Variants in ARHGAP28 observed in about 807,000 individuals in gnomAD.
The protein encoded by ARHGAP28 is rho GTPase-activating protein 28.
Under a neutral mutation model 90.7 loss-of-function variants are expected in ARHGAP28, and 56 were observed. The observed-to-expected ratio is 0.62, with a 90% confidence interval of 0.50 to 0.77. The LOEUF (loss-of-function observed/expected upper bound fraction) is 0.77. Ranked by LOEUF, ARHGAP28 falls within the 30% of genes least tolerant of loss-of-function variation. ARHGAP28 has a pLI of 0.00. For missense variants in ARHGAP28, 869 were observed against 900.9 expected, an observed-to-expected ratio of 0.96 and a Z score of 0.45; for synonymous variants, 308 against 323.3, an observed-to-expected ratio of 0.95 and a Z score of 0.51.
At chr18:6,831,195 T>G (rs982795965) in intron 2 of ARHGAP28, among the ~76,000 whole-genome samples, 1 of 152,192 alleles carries the variant, frequency 6.6e-6, no homozygotes, top group Admixed American at 6.5e-5. Flanking sequence ...ATGTTGAACT[T>G]TTTTCTTGTG....
At chr18:6,790,469 T>C (rs1300021224) in intron 1 of ARHGAP28, 1 of 152,138 alleles carries the variant, frequency 6.6e-6, no homozygotes, top group African/African-American at 2.4e-5. Flanking sequence ...AATGGTATCA[T>C]CACCAACCAA....
In ARHGAP28 at chr18:6,914,650, CAAA is replaced by C. The variant is rs2057414401; in HGVS notation, c.*2498_*2500del. Reference sequence around the variant, plus strand: ...TAAAAAAGACTCATATCTTTGCAAACAAAAGAAGGGCAGATACTGGGCTTCTAC... The same window carrying C: ...TAAAAAAGACTCATATCTTTGCAAACAGAAGGGCAGATACTGGGCTTCTAC... On this transcript the variant is annotated 3_prime_UTR_variant, in exon 18 of 18. Transcript: ENST00000383472. The C allele has an allele frequency of 6.6e-6, 1 of 152,032 alleles. No individual in the cohort carries two copies. The highest frequency in any genetic ancestry group is 6.6e-5 in the Admixed American group (1 of 15,260). The allele number at this position is 152,032 out of a possible 1,614,324, so 9.4% of individuals were successfully genotyped here. A position where few individuals can be genotyped will look rare whatever the true frequency, so the allele number is the denominator to read the frequency against.
chr18:6,886,942 C>T (rs2057226342), intron 11 of ARHGAP28, among the ~76,000 whole-genome samples: 1 of 152,130 alleles, frequency 6.6e-6, no homozygotes, highest in African/African-American at 2.4e-5. Flanking sequence ...CGTTGGCCAC[C>T]TGCCTCAACA....
At chr18:6,731,828 A>G (rs1300808728) in intron 1 of ARHGAP28, among the ~76,000 whole-genome samples, 4 of 152,206 alleles carry the variant, frequency 2.6e-5, no homozygotes, top group Admixed American at 2.6e-4. Flanking sequence ...TTGACTCACT[A>G]ACTAATGATC....
chr18:6,841,927 T>C (rs1050577912), intron 3 of ARHGAP28, among the ~76,000 whole-genome samples: 10 of 152,252 alleles, frequency 6.6e-5, no homozygotes, highest in African/African-American at 2.2e-4. Flanking sequence ...TTTTCTCAAT[T>C]ATCTCCTTCT....
At chr18:6,902,480 A>C (rs1194841632) in intron 16 of ARHGAP28, among the ~76,000 whole-genome samples, 1 of 152,204 alleles carries the variant, frequency 6.6e-6, no homozygotes, top group African/African-American at 2.4e-5. Context: ...ATAATTTCAG[A>C]GTAAAATAGG....
Position 6,729,808 on chromosome 18 carries a change from A to C in ARHGAP28, c.-14A>C, listed in dbSNP as rs756295199. 2 of 1,399,360 alleles carry C rather than the reference A, an allele frequency of 1.4e-6. No homozygotes were observed. Among genetic ancestry groups the C allele is most frequent in the Non-Finnish European group, 1.9e-6 (2 of 1,079,926 alleles). The allele number at this position is 1,399,360 out of a possible 1,614,324, so 86.7% of individuals were successfully genotyped here. A position where few individuals can be genotyped will look rare whatever the true frequency, so the allele number is the denominator to read the frequency against. ...TTTGTTCTGGGGCCGGCGCCGAGAC[A>C]TGCGCGGCTGACGATGGAGGTGGAG... On this transcript the variant is annotated 5_prime_UTR_variant, in exon 1 of 18. The change abolishes an upstream ATG in the 5' untranslated region. Transcript: ENST00000383472.
intron 1 of ARHGAP28, among the ~76,000 whole-genome samples, chr18:6,749,775 A>C (rs2056054340): frequency 6.6e-6 from 1 of 152,174 alleles, no homozygotes; most frequent in Non-Finnish European, 1.5e-5. Context: ...TAATATAATC[A>C]GTCTGCCCTT....
rs77414344 is a variant in ARHGAP28 at position 6,841,480 on chromosome 18, A to G, written c.543+4066A>G. 7.4e-3 allele frequency among the ~76,000 whole-genome samples: 1,118 copies of G among 151,672 alleles called. 17 individuals are homozygous for G. The highest frequency in any genetic ancestry group is 0.025 in the African/African-American group (1,055 of 41,406). The stretch of plus-strand genomic sequence containing the variant: ...TAAGATAGATAAGTATAAGATACTT[A>G]TATCTTTATATTGTATAAAATACTT... On this transcript the variant is annotated intron_variant, in intron 3 of 17. Transcript: ENST00000383472.
At chr18:6,823,120 A>G (rs1220780496) in intron 1 of ARHGAP28, among the ~76,000 whole-genome samples, 1 of 152,116 alleles carries the variant, frequency 6.6e-6, no homozygotes, top group Admixed American at 6.6e-5. Context: ...TTTTTGTCCA[A>G]TTCCACCTGA....
chr18:6,818,411 G>T (rs564479294), intron 1 of ARHGAP28, among the ~76,000 whole-genome samples: 2 of 152,178 alleles, frequency 1.3e-5, no homozygotes, highest in African/African-American at 2.4e-5. Context: ...CTCCACTGAC[G>T]CTAGTCATTC....
At chr18:6,737,591 T>C (rs73380727) in intron 1 of ARHGAP28, among the ~76,000 whole-genome samples, 7,130 of 152,246 alleles carry the variant, frequency 0.047, 581 homozygotes, top group African/African-American at 0.16. Flanking sequence ...AGCATTTATT[T>C]TGGTTTCTTT....
At chr18:6,849,242 G>A (rs1044021837) in intron 3 of ARHGAP28, among the ~76,000 whole-genome samples, 1 of 116,244 alleles carries the variant, frequency 8.6e-6, no homozygotes, top group Non-Finnish European at 1.7e-5. Flanking sequence ...TGGGTGACAA[G>A]ACCTTGTCTC....
Position 6,850,785 on chromosome 18 carries a change from T to C in ARHGAP28, c.544-249T>C. On this transcript the variant is annotated intron_variant, in intron 3 of 17. Transcript: ENST00000383472. ...AAGTTAGGAAAGAAAAGAAAGTGGG[T>C]TTTGGCAGGAAGCTAGCAGAGTTTG... 2.0e-6 allele frequency: 3 copies of C among 1,512,178 alleles called. No homozygotes were observed. The South Asian group carries it at 3.8e-5, about 19-fold the overall frequency. 93.7% of individuals were successfully genotyped at this position (1,512,178 alleles called of 1,614,324 possible).
intron 14 of ARHGAP28, among the ~76,000 whole-genome samples, chr18:6,890,863 A>T (rs965330906): frequency 6.6e-6 from 1 of 152,232 alleles, no homozygotes; most frequent in Non-Finnish European, 1.5e-5. Context: ...AACTTGATTT[A>T]AGGGCAATCC....
At position 6,824,863 on chromosome 18, in the gene ARHGAP28, G is replaced by A. The variant is rs202161792; in HGVS notation, c.224G>A (p.Ser75Asn). The A allele has an allele frequency of 5.7e-5, 88 of 1,536,204 alleles. No homozygotes were observed. The highest frequency in any genetic ancestry group is 7.0e-5 in the Non-Finnish European group (80 of 1,146,936). Reference sequence around the variant, plus strand: ...TCCAACTCAGAAGCCTCCGTAGACAGCGCCTCCATGGAGGATTTCTGGCGG... The same window carrying A: ...TCCAACTCAGAAGCCTCCGTAGACAACGCCTCCATGGAGGATTTCTGGCGG... ...SRSNSEASVD[S>N]ASMEDFWREI... is the part of the protein sequence containing the mutation. Residue 75 changes from serine to asparagine, a missense_variant, in exon 2 of 18, where the codon AGC becomes AAC. Transcript: ENST00000383472.
Position 6,851,113 on chromosome 18 carries a change from C to T in ARHGAP28, c.623C>T (p.Thr208Ile). ...AGAGAGCTTCCAAGAGTTATCAAGACAAGTGGTTCCATGGTAAGTTATAGT... is the reference window on the plus strand; with the variant it reads ...AGAGAGCTTCCAAGAGTTATCAAGATAAGTGGTTCCATGGTAAGTTATAGT... ...EERELPRVIK[T>I]SGSMPDDASL... Residue 208 changes from threonine to isoleucine, a missense_variant, in exon 4 of 18, where the codon ACA becomes ATA. Transcript: ENST00000383472. The T allele has an allele frequency of 1.9e-6, 3 of 1,613,936 alleles. No homozygotes were observed. The highest frequency in any genetic ancestry group is 2.5e-6 in the Non-Finnish European group (3 of 1,179,920).
chr18:6,809,391 G>T (rs1251560394), intron 1 of ARHGAP28, among the ~76,000 whole-genome samples: 1 of 152,124 alleles, frequency 6.6e-6, no homozygotes, highest in Non-Finnish European at 1.5e-5. Context: ...AAACCATAAT[G>T]AGGGTGTATT....
intron 1 of ARHGAP28, among the ~76,000 whole-genome samples, chr18:6,749,137 G>A (rs907279055): frequency 6.6e-6 from 1 of 152,146 alleles, no homozygotes; most frequent in Non-Finnish European, 1.5e-5. Context: ...AAAAATGTTT[G>A]AGCTAAAAGT....
Sources: allele counts gnomAD v4.1 joint callset (sites outside exome capture counted in the v4.1 genomes callset), GRCh38; gene constraint gnomAD v4.1.1; transcripts MANE v1.5; gene names NCBI Gene and HGNC (gene_info 2026-07-23, HGNC 2026-07-21).